The following NIPA1 variants were observed in gnomAD, a reference collection of about 807,000 sequenced individuals.
NIPA1 encodes the protein magnesium transporter NIPA1.
Under a neutral mutation model 23.9 loss-of-function variants are expected in NIPA1, and 13 were observed. The observed-to-expected ratio is 0.54, with a 90% confidence interval of 0.35 to 0.87. The LOEUF (loss-of-function observed/expected upper bound fraction) is 0.87. Among genes scored for constraint, NIPA1 ranks in the 40% least tolerant of loss-of-function variants. The pLI is 0.01. For missense variants in NIPA1, 362 were observed against 429.7 expected, an observed-to-expected ratio of 0.84 and a Z score of 1.39; for synonymous variants, 234 against 202.9, an observed-to-expected ratio of 1.15 and a Z score of -1.30.
intron 4 of NIPA1, among the ~76,000 whole-genome samples, chr15:22,822,284 A>G (rs1350853499): frequency 6.6e-6 from 1 of 152,214 alleles, no homozygotes; most frequent in Non-Finnish European, 1.5e-5. Context: ...TATTATAGGC[A>G]TATTTTTCAG....
rs1162721470 is a variant in NIPA1, at chr15:22,801,504, C to T, written c.179-9245C>T. ...CTGTAGGGGCAGACAACACTTCTAGCGACTTTTTTTTTTTTTTTTTTTTTT... is the reference window on the plus strand; with the variant it reads ...CTGTAGGGGCAGACAACACTTCTAGTGACTTTTTTTTTTTTTTTTTTTTTT... On this transcript the variant is annotated intron_variant, in intron 1 of 4. Coordinates refer to ENST00000337435, the MANE Select transcript of NIPA1 (RefSeq NM_144599.5). Among the ~76,000 whole-genome samples, 6 of 128,988 alleles carry T rather than the reference C, an allele frequency of 4.7e-5. No homozygotes were observed. In the East Asian group the frequency reaches 9.9e-4, roughly 21 times the overall value. 84.6% of individuals were successfully genotyped at this position (128,988 alleles called of 152,430 possible).
At chr15:22,808,575 A>C (rs2140864531) in intron 1 of NIPA1, among the ~76,000 whole-genome samples, 1 of 151,918 alleles carries the variant, frequency 6.6e-6, no homozygotes, top group Non-Finnish European at 1.5e-5. Flanking sequence ...AATAAGAAAA[A>C]CCCATGGAGG....
chr15:22,820,377 C>T lies in NIPA1; in HGVS notation c.382C>T (p.Leu128=). Residue 128 remains leucine, a synonymous_variant, in exon 4 of 5, where the codon CTA becomes TTA. Coordinates refer to ENST00000337435, the MANE Select transcript of NIPA1 (RefSeq NM_144599.5). ...LNILGKLGCL[L]SCAGSVVLII... ...CATCTTGGGCAAGTTGGGGTGCCTG[C>T]TAAGCTGTGCAGGCTCCGTCGTGCT... 1 of 1,612,080 alleles carries T rather than the reference C, an allele frequency of 6.2e-7. No individual in the cohort carries two copies. The highest frequency in any genetic ancestry group is 8.5e-7 in the Non-Finnish European group (1 of 1,178,104).
rs531256830 is a variant in NIPA1 at position 22,824,105 on chromosome 15, G to A, written c.856G>A (p.Val286Met). 6.8e-6 allele frequency: 11 copies of A among 1,614,120 alleles called. No homozygotes were observed. Among genetic ancestry groups the A allele is most frequent in the Admixed American group, 3.3e-5 (2 of 60,016 alleles). ...SAILFREWSN[V>M]GLVDFLGMAC... ...CATCCTCTTCCGGGAGTGGAGCAAC[G>A]TGGGCCTGGTGGACTTCTTGGGGAT... Residue 286 changes from valine (V) to methionine (M), a missense_variant, in exon 5 of 5, where the codon GTG (valine) becomes ATG (methionine). Coordinates refer to ENST00000337435, the MANE Select transcript of NIPA1 (RefSeq NM_144599.5). The surrounding 1 kb of genome is among the most constrained non-coding windows in gnomAD (Gnocchi z 4.1).
At chr15:22,809,022 T>C (rs879941933) in intron 1 of NIPA1, among the ~76,000 whole-genome samples, 1 of 152,132 alleles carries the variant, frequency 6.6e-6, no homozygotes, top group Non-Finnish European at 1.5e-5. Flanking sequence ...TGCTGCTCCA[T>C]TAAGCAGGCT....
chr15:22,808,327 A>G (rs575666971), intron 1 of NIPA1, among the ~76,000 whole-genome samples: 1 of 152,326 alleles, frequency 6.6e-6, no homozygotes, highest in South Asian at 2.1e-4. Context: ...TTTCTGCTTC[A>G]TAGGACACCC....
Position 22,823,976 on chromosome 15 carries a change from G to C in NIPA1, c.727G>C (p.Val243Leu), listed in dbSNP as rs775960315. Residue 243 changes from valine to leucine, a missense_variant, in exon 5 of 5, where the codon GTC (valine) becomes CTC (leucine). Val to Leu is a conservative substitution (Grantham distance 32, BLOSUM62 1). Around this residue, in one of 2 missense-constraint regions of NIPA1, gnomAD observed 277 missense variants for 372.0 expected, o/e 0.74. Transcript: ENST00000337435. ...GGCCGTGCTCGGCTGCAGCATCATC[G>C]TCCAGTTCAGGTACATCAACAAGGC... ...LLAVLGCSII[V>L]QFRYINKALE... is the part of the protein sequence containing the mutation. 17 of 1,614,056 alleles carry C rather than the reference G, an allele frequency of 1.1e-5. No homozygotes were observed. The highest frequency in any genetic ancestry group is 1.4e-5 in the Non-Finnish European group (17 of 1,180,052).
chr15:22,797,156 C>T (rs1894955388), intron 1 of NIPA1, among the ~76,000 whole-genome samples: 1 of 151,426 alleles, frequency 6.6e-6, no homozygotes, highest in Admixed American at 6.6e-5. Context: ...TCTTGTGCCT[C>T]AGCCTCCCGA....
intron 3 of NIPA1, among the ~76,000 whole-genome samples, chr15:22,813,399 G>A (rs774353651): frequency 1.3e-5 from 2 of 152,164 alleles, no homozygotes; most frequent in African/African-American, 4.8e-5. Flanking sequence ...AAGGGGAAAG[G>A]GGGGAAATGG....
chr15:22,791,883 C>T (rs533754387), intron 1 of NIPA1, among the ~76,000 whole-genome samples: 2 of 152,062 alleles, frequency 1.3e-5, no homozygotes, highest in South Asian at 4.2e-4. Flanking sequence ...GCCTTCTTTG[C>T]CATGCTTTTG....
Position 22,827,652 on chromosome 15 carries a change from G to A in NIPA1, c.*3413G>A, listed in dbSNP as rs540045182. 1.3e-5 allele frequency: 2 copies of A among 152,292 alleles called. No homozygotes were observed. The highest frequency in any genetic ancestry group is 3.9e-4 in the East Asian group (2 of 5,192). 9.4% of individuals were successfully genotyped at this position (152,292 alleles called of 1,614,324 possible). A position where few individuals can be genotyped will look rare whatever the true frequency, so the allele number is the denominator to read the frequency against. On this transcript the variant is annotated 3_prime_UTR_variant, in exon 5 of 5. Transcript: ENST00000337435. ...AGTTCATCCCAGCGGTAATATGTTG[G>A]TGTTTGTTCTTCTTTGGATTTCACA...
chr15:22,788,748 T>A (rs11635703), intron 1 of NIPA1, among the ~76,000 whole-genome samples: 1 of 149,972 alleles, frequency 6.7e-6, no homozygotes, highest in African/African-American at 2.5e-5. Context: ...AACAAGCGAG[T>A]AGCCTTTTAA....
chr15:22,813,074 G>C (rs908474778), intron 3 of NIPA1, among the ~76,000 whole-genome samples: 10 of 152,128 alleles, frequency 6.6e-5, no homozygotes, highest in African/African-American at 2.2e-4. Context: ...TTTCTTAGGA[G>C]AAGGTCCCGG....
chr15:22,812,099 C>A (rs1358122747), intron 2 of NIPA1, 64 bp from the exon 3 acceptor site: 2 of 1,209,400 alleles, frequency 1.7e-6, no homozygotes, highest in Non-Finnish European at 2.4e-6. Context: ...CGTAATTCAA[C>A]TGTGATCAGT....
intron 3 of NIPA1, among the ~76,000 whole-genome samples, chr15:22,813,403 GA>G (rs964052209): frequency 3.3e-5 from 5 of 152,134 alleles, no homozygotes; most frequent in South Asian, 2.1e-4. Context: ...GGAAAGGGGG[GA>G]AATGGGAACT....
At chr15:22,795,061 A>G (rs1460124120) in intron 1 of NIPA1, among the ~76,000 whole-genome samples, 1 of 152,010 alleles carries the variant, frequency 6.6e-6, no homozygotes, top group East Asian at 1.9e-4. Context: ...TGAGCCTTTT[A>G]TTTTATGAAA....
rs902790025 is a variant in NIPA1 at position 22,826,648 on chromosome 15, T to G, written c.*2409T>G. ...TAATCCACAATTATACCATTGATACTGAGAGGTGATACCCGATGATCTTCT... is the reference window on the plus strand; with the variant it reads ...TAATCCACAATTATACCATTGATACGGAGAGGTGATACCCGATGATCTTCT... On this transcript the variant is annotated 3_prime_UTR_variant, in exon 5 of 5. Coordinates refer to ENST00000337435, the MANE Select transcript of NIPA1 (RefSeq NM_144599.5). 2.6e-5 allele frequency: 4 copies of G among 152,292 alleles called. No individual in the cohort carries two copies. Among genetic ancestry groups the G allele is most frequent in the Non-Finnish European group, 5.9e-5 (4 of 68,030 alleles). The allele number at this position is 152,292 out of a possible 1,614,324, so 9.4% of individuals were successfully genotyped here.
At chr15:22,807,752 T>G (rs983400390) in intron 1 of NIPA1, among the ~76,000 whole-genome samples, 2 of 145,646 alleles carry the variant, frequency 1.4e-5, no homozygotes, top group African/African-American at 5.3e-5. Context: ...TGTATGCCCT[T>G]AGGATAATTT....
intron 1 of NIPA1, among the ~76,000 whole-genome samples, chr15:22,790,798 T>C (rs1894809894): frequency 6.6e-6 from 1 of 152,076 alleles, no homozygotes. Context: ...TAAAATCCTT[T>C]CCTACATCTG....
Sources: allele counts gnomAD v4.1 joint callset (sites outside exome capture counted in the v4.1 genomes callset), GRCh38; gene constraint gnomAD v4.1.1; regional missense constraint gnomAD v4.1.1; non-coding constraint Gnocchi (gnomAD v3.1); transcripts MANE v1.5; gene names NCBI Gene and HGNC (gene_info 2026-07-23, HGNC 2026-07-21).